DLGAP2: variants seen among roughly 807,000 people sequenced by gnomAD.
DLGAP2 encodes DLG associated protein 2, also known as disks large-associated protein 2.
Under a neutral mutation model 100.3 loss-of-function variants are expected in DLGAP2, and 26 were observed. The observed-to-expected ratio is 0.26, with a 90% CI of 0.19 to 0.36. The LOEUF is 0.36. DLGAP2 is among the 10% of genes least tolerant of loss of function. The pLI is 1.00. For missense variants in DLGAP2, 1,858 were observed against 1,453.2 expected (o/e 1.28, Z -4.53); for synonymous variants, 886 against 630.1 (o/e 1.41, Z -6.08).
chr8:1,204,339 G>A (rs2116767831), intron 2 of DLGAP2, among the ~76,000 whole-genome samples: 1 of 152,378 alleles, frequency 6.6e-6, no homozygotes, highest in South Asian at 2.1e-4. Flanking sequence ...AGGCCATGGT[G>A]TGGAAGAACC....
At chr8:1,021,436 A>G (rs1236348579) in intron 2 of DLGAP2, among the ~76,000 whole-genome samples, 1 of 152,204 alleles carries the variant, frequency 6.6e-6, no homozygotes, top group Non-Finnish European at 1.5e-5. Flanking sequence ...GAGCAAAGGC[A>G]TTCCATTATT....
chr8:1,416,748 C>T (rs916033941), intron 3 of DLGAP2, among the ~76,000 whole-genome samples: 1 of 152,174 alleles, frequency 6.6e-6, no homozygotes, highest in East Asian at 1.9e-4. Flanking sequence ...AGGAATCGGA[C>T]GTGTTGGCTG....
At chr8:854,513 G>A (rs1176554833) in intron 1 of DLGAP2, among the ~76,000 whole-genome samples, 3 of 152,086 alleles carry the variant, frequency 2.0e-5, no homozygotes, top group African/African-American at 7.2e-5. Context: ...GTGAGAGTGA[G>A]AGAGTGGGTG....
chr8:886,250 C>G (rs1376138044), intron 1 of DLGAP2, among the ~76,000 whole-genome samples: 1 of 151,814 alleles, frequency 6.6e-6, no homozygotes, highest in East Asian at 1.9e-4. Flanking sequence ...TTTATTGTGT[C>G]TTTGATTCTT....
At chr8:754,025 T>C (rs2132578042) in intron 1 of DLGAP2, 1 of 152,344 alleles carries the variant, frequency 6.6e-6, no homozygotes, top group Admixed American at 6.5e-5. Flanking sequence ...GAGCCCTCTT[T>C]CTGAGGGTGG....
chr8:1,098,378 A>G (rs1804459321), intron 2 of DLGAP2, among the ~76,000 whole-genome samples: 1 of 152,218 alleles, frequency 6.6e-6, no homozygotes, highest in East Asian at 1.9e-4. Flanking sequence ...CGCTTCTGGA[A>G]CATTCAGGGA....
intron 2 of DLGAP2, among the ~76,000 whole-genome samples, chr8:1,092,922 A>G (rs918329628): frequency 9.9e-5 from 15 of 152,188 alleles, no homozygotes; most frequent in African/African-American, 3.6e-4. Flanking sequence ...AACAGACCCC[A>G]TAGGGGTGTT....
chr8:1,168,953 G>C (rs1797072195), intron 2 of DLGAP2, among the ~76,000 whole-genome samples: 1 of 142,538 alleles, frequency 7.0e-6, no homozygotes, highest in African/African-American at 2.6e-5. Flanking sequence ...TGAAGTCCTT[G>C]CCCATGCCTA....
intron 2 of DLGAP2, among the ~76,000 whole-genome samples, chr8:940,416 T>C (rs1160129044): frequency 1.3e-5 from 2 of 149,942 alleles, no homozygotes; most frequent in Non-Finnish European, 3.0e-5. Flanking sequence ...AGCCCAGGAG[T>C]TCCCTGTGAT....
At chr8:1,277,145 G>C (rs1382480497) in intron 3 of DLGAP2, among the ~76,000 whole-genome samples, 1 of 152,164 alleles carries the variant, frequency 6.6e-6, no homozygotes, top group Non-Finnish European at 1.5e-5. Flanking sequence ...CCTTAGGGCA[G>C]AATCTAGAAA....
chr8:1,550,335 G>A lies in DLGAP2; in HGVS notation c.1230+652G>A, dbSNP rs184623163. ...GCAGGGATGGCGGGACGTTATCTAC[G>A]GGCAGCTCTCATGCGTGAGTCTGGC... On this transcript the variant is annotated intron_variant, in intron 5 of 14. Transcript: ENST00000637795. 1.2e-4 allele frequency among the ~76,000 whole-genome samples: 19 copies of A among 152,274 alleles called. No individual in the cohort carries two copies. In the East Asian group the frequency reaches 3.3e-3, roughly 26 times the overall value.
chr8:791,034 C>T (rs1207983561), intron 1 of DLGAP2, among the ~76,000 whole-genome samples: 1 of 152,230 alleles, frequency 6.6e-6, no homozygotes, highest in Non-Finnish European at 1.5e-5. Context: ...TGAGCCACCA[C>T]GCCCGGACCA....
chr8:1,456,787 C>CCA (rs1440477934), intron 3 of DLGAP2, among the ~76,000 whole-genome samples: 1,713 of 152,104 alleles, frequency 0.011, 44 homozygotes, highest in African/African-American at 0.039. Flanking sequence ...ATTGGTTTTG[C>CCA]GAGGGAGCTC....
At chr8:1,660,894 T>C (rs1469338359) in intron 8 of DLGAP2, among the ~76,000 whole-genome samples, 2 of 152,186 alleles carry the variant, frequency 1.3e-5, no homozygotes, top group Non-Finnish European at 2.9e-5. Context: ...CTTTTCCCCT[T>C]GAATGGTGTC....
chr8:1,308,490 G>C (rs1800542251), intron 3 of DLGAP2, among the ~76,000 whole-genome samples: 1 of 152,164 alleles, frequency 6.6e-6, no homozygotes. Context: ...AAACAGGAAA[G>C]TATGGTCCAT....
chr8:911,269 G>A (rs1412318900), intron 2 of DLGAP2, among the ~76,000 whole-genome samples: 2 of 152,192 alleles, frequency 1.3e-5, no homozygotes, highest in Non-Finnish European at 1.5e-5. Context: ...CTTAGGATGC[G>A]TGTGTAATGT....
intron 2 of DLGAP2, among the ~76,000 whole-genome samples, chr8:987,828 A>T (rs1436912501): frequency 1.3e-5 from 2 of 152,108 alleles, no homozygotes; most frequent in Non-Finnish European, 2.9e-5. Flanking sequence ...AGTTTCCCCC[A>T]ACATATGACA....
At chr8:1,062,664 C>T (rs1029756669) in intron 2 of DLGAP2, among the ~76,000 whole-genome samples, 4 of 152,158 alleles carry the variant, frequency 2.6e-5, no homozygotes, top group African/African-American at 9.7e-5. Context: ...CCCTCCTGGC[C>T]ATAGGTCTTG....
At chr8:1,320,838 T>C (rs1246377171) in intron 3 of DLGAP2, among the ~76,000 whole-genome samples, 1 of 152,234 alleles carries the variant, frequency 6.6e-6, no homozygotes, top group Non-Finnish European at 1.5e-5. Flanking sequence ...TGTCTGTGTG[T>C]GCACGTGTGT....
Sources: gnomAD v4.1 joint callset for allele counts (sites outside exome capture counted in the v4.1 genomes callset) on GRCh38, gnomAD v4.1.1 for gene constraint, MANE v1.5 for transcripts, NCBI Gene and HGNC (gene_info 2026-07-23, HGNC 2026-07-21) for gene names.